Variants in TNKS1BP1 observed in about 807,000 individuals in gnomAD.
The protein encoded by TNKS1BP1 is 182 kDa tankyrase-1-binding protein.
A neutral mutation model predicts 141.1 loss-of-function variants in TNKS1BP1; 48 were observed. The ratio of observed to expected loss-of-function variants is 0.34; its 90% confidence interval spans 0.27 to 0.43. The LOEUF (loss-of-function observed/expected upper bound fraction) is 0.43, where lower values mean the gene tolerates loss of function less well. Ranked by LOEUF, TNKS1BP1 falls within the 20% of genes least tolerant of loss-of-function variation. TNKS1BP1 has a pLI of 1.00. For synonymous variants in TNKS1BP1, 875 were observed against 898.2 expected, an observed-to-expected ratio of 0.97 and a Z score of 0.46; for missense variants, 2,149 against 2,226.0, an observed-to-expected ratio of 0.97 and a Z score of 0.70.
At chr11:57,322,042 A>T (rs929448702) in intron 1 of TNKS1BP1, 92 bp from the exon 2 acceptor site, 60 of 647,256 alleles carry the variant, frequency 9.3e-5, no homozygotes, top group East Asian at 2.6e-4. Context: ...ACAGAGGCAG[A>T]GTGTGGGACA....
At chr11:57,317,750 G>C in intron 4 of TNKS1BP1, 68 bp downstream of exon 4, 1 of 1,464,644 alleles carries the variant, frequency 6.8e-7, no homozygotes, top group Non-Finnish European at 9.5e-7. Flanking sequence ...GAGTAGAAAA[G>C]ATGATCTCAT....
rs765657586 is a variant in TNKS1BP1, at chr11:57,308,406, G to C, written c.4305C>G (p.Ser1435Arg). The C allele has an allele frequency of 6.2e-6, 10 of 1,613,308 alleles. No homozygotes were observed. In the Admixed American group the frequency reaches 1.7e-4, roughly 27 times the overall value. ...GCTCCGTTCATTACCTTGCTCCGAA[G>C]CTGAGGGCTTCTCCTGTCTCCATTC... is the stretch of plus-strand genomic sequence containing the variant. ...DPGMETGEALSFGASPGRCPA... is the reference protein window; with the variant it reads ...DPGMETGEALRFGASPGRCPA... Residue 1435 changes from serine (S) to arginine (R), a missense_variant, in exon 6 of 12, where the codon AGC (serine) becomes AGG (arginine). Physicochemically the swap from Ser to Arg is moderately radical, Grantham distance 110. Transcript: ENST00000358252.
intron 2 of TNKS1BP1, 45 bp downstream of exon 2, chr11:57,321,747 C>A: frequency 3.0e-6 from 3 of 1,004,286 alleles, no homozygotes; most frequent in South Asian, 1.3e-5. Flanking sequence ...CTGTCCTTCC[C>A]ACCCCCCTCC....
At chr11:57,316,737 T>G (rs1053553311) in intron 4 of TNKS1BP1, among the ~76,000 whole-genome samples, 20 of 152,182 alleles carry the variant, frequency 1.3e-4, no homozygotes, top group African/African-American at 4.3e-4. Flanking sequence ...TCACTTGGAC[T>G]ATTCCAACAG....
chr11:57,304,727 A>G (rs7943915), intron 6 of TNKS1BP1, among the ~76,000 whole-genome samples: 72,569 of 151,634 alleles, frequency 0.48, 18,630 homozygotes, highest in African/African-American at 0.66. Context: ...AAAATTAGCC[A>G]GGCATGGTGG....
intron 9 of TNKS1BP1, 68 bp downstream of exon 9, chr11:57,301,739 A>G (rs1008756208): frequency 6.4e-7 from 1 of 1,565,660 alleles, no homozygotes; most frequent in African/African-American, 1.4e-5. Flanking sequence ...TGAAGAGAAG[A>G]AAGACAGCAT....
At chr11:57,314,948 G>A (rs1308718902) in intron 4 of TNKS1BP1, among the ~76,000 whole-genome samples, 4 of 152,064 alleles carry the variant, frequency 2.6e-5, no homozygotes, top group African/African-American at 9.7e-5. Flanking sequence ...CAAAGCTCGT[G>A]CCCTTAAACT....
intron 3 of TNKS1BP1, 123 bp downstream of exon 3, chr11:57,319,956 A>G: frequency 7.4e-7 from 1 of 1,344,346 alleles, no homozygotes; most frequent in Non-Finnish European, 1.0e-6. Flanking sequence ...ACAGCACACA[A>G]CCAACCTACA....
intron 10 of TNKS1BP1, 33 bp downstream of exon 10, chr11:57,300,851 G>A: frequency 6.2e-7 from 1 of 1,604,434 alleles, no homozygotes; most frequent in Non-Finnish European, 8.5e-7. Flanking sequence ...AATACAGTGA[G>A]GTCAGCGGAT....
At position 57,324,935 on chromosome 11, in the gene TNKS1BP1, G is replaced by A. The variant is rs886898545; in HGVS notation, c.-161C>T. 1.6e-5 allele frequency: 16 copies of A among 994,236 alleles called. 1 individual carries two copies. The South Asian group carries it at 5.8e-4, about 36-fold the overall frequency. The allele number at this position is 994,236 out of a possible 1,614,324, so 61.6% of individuals were successfully genotyped here. On this transcript the variant is annotated 5_prime_UTR_variant, in exon 1 of 12. Coordinates refer to ENST00000358252, the MANE Select transcript of TNKS1BP1 (RefSeq NM_033396.3). ...TACCGCCGCCGCCGCCGCCGTCACC[G>A]CGGGACGAAGCCACTGCGAGCCCCG...
At chr11:57,319,820 T>C (rs190824733) in intron 3 of TNKS1BP1, among the ~76,000 whole-genome samples, 94 of 151,816 alleles carry the variant, frequency 6.2e-4, no homozygotes, top group African/African-American at 2.2e-3. Flanking sequence ...TACTGTACAT[T>C]TGAACTCTCT....
At chr11:57,324,517 G>A (rs1855935024) in intron 1 of TNKS1BP1, among the ~76,000 whole-genome samples, 1 of 151,534 alleles carries the variant, frequency 6.6e-6, no homozygotes, top group African/African-American at 2.4e-5. Context: ...GCGGCCCGGA[G>A]GAAGGGGAGG....
Position 57,309,701 on chromosome 11 carries a change from T to A in TNKS1BP1, c.3010A>T (p.Ser1004Cys), listed in dbSNP as rs1464111616. The change falls in exon 6 of 12, where the codon AGT (serine) becomes TGT (cysteine). Residue 1004 changes from serine to cysteine, a missense_variant. Ser to Cys is a moderately radical substitution (Grantham distance 112). Coordinates refer to ENST00000358252, the MANE Select transcript of TNKS1BP1 (RefSeq NM_033396.3). The surrounding 1 kb of genome is among the most constrained non-coding windows in gnomAD (Gnocchi z 4.3). ...QDEEFEKKIP[S>C]VEDSLGEGSR... The stretch of plus-strand genomic sequence containing the variant: ...CCCTCTCCAAGGCTGTCTTCCACAC[T>A]TGGAATCTTCTTCTCAAATTCCTCA... 2.5e-6 allele frequency: 4 copies of A among 1,614,220 alleles called. No individual in the cohort carries two copies. Among genetic ancestry groups the A allele is most frequent in the Non-Finnish European group, 3.4e-6 (4 of 1,180,030 alleles).
At chr11:57,323,872 G>C (rs574763367) in intron 1 of TNKS1BP1, among the ~76,000 whole-genome samples, 24 of 152,346 alleles carry the variant, frequency 1.6e-4, no homozygotes, top group Non-Finnish European at 2.8e-4. Flanking sequence ...TTCACCTGGG[G>C]TTCTGATGGG....
chr11:57,324,546 C>T (rs1855935643), intron 1 of TNKS1BP1, among the ~76,000 whole-genome samples: 1 of 151,212 alleles, frequency 6.6e-6, no homozygotes, highest in Non-Finnish European at 1.5e-5. Context: ...CCTCCAGCGG[C>T]TCTGCCCGCC....
At position 57,311,487 on chromosome 11, in the gene TNKS1BP1, T is replaced by C. The variant is rs567326674; in HGVS notation, c.2155-931A>G. ...CTCTGGCGCTGGCTCTCCCTCACCC[T>C]GGCCCTGCTCCCTCCGGAGCAGCTG... On this transcript the variant is annotated intron_variant, in intron 5 of 11. Transcript: ENST00000358252. The C allele has an allele frequency of 2.3e-5, 23 of 985,740 alleles. No individual in the cohort carries two copies. The South Asian group carries it at 6.1e-4, about 26-fold the overall frequency. 61.1% of individuals were successfully genotyped at this position (985,740 alleles called of 1,614,324 possible).
chr11:57,323,972 C>G (rs759493819), intron 1 of TNKS1BP1, among the ~76,000 whole-genome samples: 1 of 152,186 alleles, frequency 6.6e-6, no homozygotes, highest in Non-Finnish European at 1.5e-5. Flanking sequence ...AGACCCCAGC[C>G]AGGGGCCCCA....
intron 4 of TNKS1BP1, among the ~76,000 whole-genome samples, chr11:57,315,753 C>G (rs887928023): frequency 6.6e-6 from 1 of 151,830 alleles, no homozygotes; most frequent in Non-Finnish European, 1.5e-5. Context: ...ACAACCCCCC[C>G]ACCGCCACAC....
intron 1 of TNKS1BP1, 121 bp from the exon 2 acceptor site, chr11:57,322,071 TGGGGG>T: frequency 2.7e-5 from 9 of 332,088 alleles, no homozygotes; most frequent in Non-Finnish European, 3.8e-5. Context: ...GAACTTGGAG[TGGGGG>T]GGGGGGGGTA....
Sources: allele counts gnomAD v4.1 joint callset (sites outside exome capture counted in the v4.1 genomes callset), GRCh38; gene constraint gnomAD v4.1.1; non-coding constraint Gnocchi (gnomAD v3.1); transcripts MANE v1.5; gene names NCBI Gene and HGNC (gene_info 2026-07-23, HGNC 2026-07-21).